The following KHDRBS2 variants were observed in gnomAD, a reference collection of about 807,000 sequenced individuals.
The protein encoded by KHDRBS2 is KH domain-containing, RNA-binding, signal transduction-associated protein 2.
Under a neutral mutation model 44.3 loss-of-function variants are expected in KHDRBS2, and 26 were observed. That is an observed-to-expected ratio of 0.59 (90% confidence interval 0.43 to 0.81). KHDRBS2 has a LOEUF of 0.81. Among genes scored for constraint, KHDRBS2 ranks in the 40% least tolerant of loss-of-function variants. The pLI is 0.00. For missense variants in KHDRBS2, 476 were observed against 433.1 expected, an observed-to-expected ratio of 1.10 and a Z score of -0.88; for synonymous variants, 194 against 151.1, an observed-to-expected ratio of 1.28 and a Z score of -2.08.
intron 6 of KHDRBS2, among the ~76,000 whole-genome samples, chr6:61,802,408 T>C (rs926917851): frequency 6.6e-6 from 1 of 152,166 alleles, no homozygotes; most frequent in African/African-American, 2.4e-5. Flanking sequence ...ATAAGGAAAG[T>C]GAATCTTAAG....
intron 2 of KHDRBS2, among the ~76,000 whole-genome samples, chr6:62,114,243 A>C (rs528557397): frequency 2.5e-4 from 38 of 152,248 alleles, no homozygotes; most frequent in African/African-American, 9.1e-4. Context: ...ATCCTGTGGA[A>C]TTAAACAAGG....
intron 2 of KHDRBS2, among the ~76,000 whole-genome samples, chr6:62,094,250 T>A (rs1192242778): frequency 6.6e-6 from 1 of 151,908 alleles, no homozygotes; most frequent in Admixed American, 6.6e-5. Context: ...GTAAGGGGTA[T>A]CTCATTTTAA....
intron 4 of KHDRBS2, among the ~76,000 whole-genome samples, chr6:61,914,865 C>A (rs1454135412): frequency 6.6e-6 from 1 of 152,054 alleles, no homozygotes; most frequent in Non-Finnish European, 1.5e-5. Context: ...TACATGAAGA[C>A]ATCCAATGAT....
At chr6:62,071,010 T>C (rs1794925231) in intron 2 of KHDRBS2, among the ~76,000 whole-genome samples, 1 of 152,198 alleles carries the variant, frequency 6.6e-6, no homozygotes, top group Non-Finnish European at 1.5e-5. Context: ...TGTTGTTTCC[T>C]GAATTTTTAA....
intron 6 of KHDRBS2, among the ~76,000 whole-genome samples, chr6:61,874,817 T>A (rs543067599): frequency 6.6e-6 from 1 of 152,122 alleles, no homozygotes; most frequent in Non-Finnish European, 1.5e-5. Context: ...GATGCCATGA[T>A]GTAAAGTCCT....
At chr6:62,089,866 G>T (rs1172000866) in intron 2 of KHDRBS2, among the ~76,000 whole-genome samples, 1 of 152,126 alleles carries the variant, frequency 6.6e-6, no homozygotes, top group African/African-American at 2.4e-5. Flanking sequence ...GCTGAATAAA[G>T]ATGTAGAGCC....
intron 6 of KHDRBS2, among the ~76,000 whole-genome samples, chr6:61,874,794 T>A (rs2127308337): frequency 6.6e-6 from 1 of 151,886 alleles, no homozygotes. Flanking sequence ...AGTAAAGGAG[T>A]CTAGTCAGAA....
chr6:62,158,491 C>T (rs114953878), intron 2 of KHDRBS2, among the ~76,000 whole-genome samples: 204 of 152,202 alleles, frequency 1.3e-3, no homozygotes, highest in Middle Eastern at 3.4e-3. Context: ...TCAGGTCTAT[C>T]TAGTTCAAAA....
At chr6:61,913,750 A>C (rs1806459943) in intron 4 of KHDRBS2, among the ~76,000 whole-genome samples, 1 of 152,068 alleles carries the variant, frequency 6.6e-6, no homozygotes. Context: ...CCCTACTCAA[A>C]GAGGTAATAT....
At chr6:62,212,027 G>A (rs1393627925) in intron 1 of KHDRBS2, among the ~76,000 whole-genome samples, 1 of 152,080 alleles carries the variant, frequency 6.6e-6, no homozygotes, top group Admixed American at 6.6e-5. Flanking sequence ...GGAGCTGGAG[G>A]CCATTATCCT....
At chr6:62,256,554 T>C (rs537731999) in intron 1 of KHDRBS2, among the ~76,000 whole-genome samples, 17 of 152,184 alleles carry the variant, frequency 1.1e-4, no homozygotes, top group African/African-American at 4.1e-4. Flanking sequence ...CTACCATGAT[T>C]GTGAGACTTC....
chr6:61,641,067 C>T, the KHDRBS2 span, among the ~76,000 whole-genome samples: 1 of 152,096 alleles, frequency 6.6e-6, no homozygotes. Context: ...GGGAACACAA[C>T]CTCCAAAGAA....
the KHDRBS2 span, among the ~76,000 whole-genome samples, chr6:61,584,653 CAA>C: frequency 4.6e-3 from 699 of 151,850 alleles, 3 homozygotes; most frequent in Non-Finnish European, 7.0e-3. Flanking sequence ...AACAAACTAA[CAA>C]GAGATTCAAG....
At chr6:62,243,676 G>A (rs1835067882) in intron 1 of KHDRBS2, among the ~76,000 whole-genome samples, 1 of 151,462 alleles carries the variant, frequency 6.6e-6, no homozygotes, top group African/African-American at 2.4e-5. Context: ...GCTGTAATAA[G>A]GAACTACTAG....
intron 6 of KHDRBS2, among the ~76,000 whole-genome samples, chr6:61,871,533 A>G (rs889737586): frequency 2.0e-5 from 3 of 152,174 alleles, no homozygotes; most frequent in Non-Finnish European, 4.4e-5. Context: ...CCTCAAGAAG[A>G]GCAGCCACAA....
the KHDRBS2 span, among the ~76,000 whole-genome samples, chr6:61,613,957 C>A: frequency 6.6e-6 from 1 of 152,188 alleles, no homozygotes. Context: ...AAATCATCCT[C>A]CAGACCAAAA....
At chr6:62,104,261 A>G (rs1358457125) in intron 2 of KHDRBS2, among the ~76,000 whole-genome samples, 2 of 152,214 alleles carry the variant, frequency 1.3e-5, no homozygotes, top group African/African-American at 4.8e-5. Flanking sequence ...ACATTTACAC[A>G]AACTAGACCA....
At chr6:62,266,710 T>C (rs1034267661) in intron 1 of KHDRBS2, among the ~76,000 whole-genome samples, 1 of 151,934 alleles carries the variant, frequency 6.6e-6, no homozygotes, top group Admixed American at 6.6e-5. Flanking sequence ...TCAGCCAAAA[T>C]GAATGAAGGG....
intron 1 of KHDRBS2, among the ~76,000 whole-genome samples, chr6:62,211,487 T>C (rs888274857): frequency 3.3e-5 from 5 of 152,200 alleles, no homozygotes; most frequent in African/African-American, 1.2e-4. Context: ...TATTTGTATA[T>C]CTATATTGTC....
Sources: gnomAD v4.1 joint callset for allele counts (sites outside exome capture counted in the v4.1 genomes callset) on GRCh38, gnomAD v4.1.1 for gene constraint, MANE v1.5 for transcripts, NCBI Gene and HGNC (gene_info 2026-07-23, HGNC 2026-07-21) for gene names.